The following PARVB variants were observed in gnomAD, a reference collection of about 807,000 sequenced individuals.
The protein encoded by PARVB is beta-parvin.
A neutral mutation model predicts 47.0 loss-of-function variants in PARVB; 46 were observed. The ratio of observed to expected loss-of-function variants is 0.98; its 90% confidence interval spans 0.77 to 1.25. The LOEUF (loss-of-function observed/expected upper bound fraction) is 1.25, where lower values mean the gene tolerates loss of function less well. Among genes scored for constraint, PARVB ranks in the 50% most tolerant of loss-of-function variants. The pLI is 0.00. For missense variants in PARVB, 473 were observed against 471.6 expected (o/e 1.00, Z -0.03); for synonymous variants, 196 against 196.3 (o/e 1.00, Z 0.01).
At chr22:44,004,773 C>G (rs1032308402) in intron 2 of PARVB, among the ~76,000 whole-genome samples, 2 of 152,198 alleles carry the variant, frequency 1.3e-5, no homozygotes, top group African/African-American at 2.4e-5. Context: ...TCTCCTGAAC[C>G]TTTTCCGTCT....
At chr22:44,086,101 T>C (rs1348521367) in intron 1 of PARVB, among the ~76,000 whole-genome samples, 2 of 152,316 alleles carry the variant, frequency 1.3e-5, no homozygotes, top group South Asian at 4.1e-4. Flanking sequence ...GGGGCTTTCT[T>C]ACTCCTCTAG....
chr22:44,009,884 T>C (rs938632950), intron 2 of PARVB, among the ~76,000 whole-genome samples: 2 of 150,936 alleles, frequency 1.3e-5, no homozygotes, highest in African/African-American at 4.9e-5. Context: ...CTCAGCTCAC[T>C]GCAACCTCTG....
At chr22:44,014,748 T>C (rs1269576159) in intron 2 of PARVB, among the ~76,000 whole-genome samples, 1 of 152,146 alleles carries the variant, frequency 6.6e-6, no homozygotes, top group Non-Finnish European at 1.5e-5. Context: ...CCTTCCTTCC[T>C]CTCACCTTGA....
intron 1 of PARVB, among the ~76,000 whole-genome samples, chr22:44,075,909 C>T (rs942614704): frequency 5.3e-5 from 8 of 152,230 alleles, no homozygotes; most frequent in Non-Finnish European, 7.3e-5. Context: ...ATGGAGCAGT[C>T]GAGCTGGGAT....
At chr22:44,019,498 G>A (rs1298307717), upstream of PARVB, among the ~76,000 whole-genome samples, 1 of 152,238 alleles carries the variant, frequency 6.6e-6, no homozygotes, top group Admixed American at 6.5e-5. Context: ...GGGATTGCAG[G>A]CATGAGCCAC....
chr22:44,119,587 G>A (rs1237109655), intron 4 of PARVB, among the ~76,000 whole-genome samples: 2 of 152,188 alleles, frequency 1.3e-5, no homozygotes, highest in African/African-American at 2.4e-5. Context: ...TGCATTTGCT[G>A]GGTGAAGGCA....
intron 7 of PARVB, 97 bp from the exon 8 acceptor site, chr22:44,140,027 T>G (rs891542373): frequency 5.2e-5 from 80 of 1,544,588 alleles, no homozygotes; most frequent in Non-Finnish European, 7.1e-5. Flanking sequence ...GGGCCCAGCT[T>G]TCTGGCTGGC....
intron 7 of PARVB, chr22:44,138,928 A>C (rs1263040238): frequency 1.3e-5 from 2 of 152,222 alleles, no homozygotes; most frequent in Non-Finnish European, 1.5e-5. Flanking sequence ...GATGGAGCCA[A>C]AGGACTTGAG....
At position 44,155,752 on chromosome 22, in the gene PARVB, C is replaced by G. The variant is rs566403625; in HGVS notation, c.844-2230C>G. Among the ~76,000 whole-genome samples the G allele has an allele frequency of 9.2e-5, 14 of 152,322 alleles. No individual in the cohort carries two copies. The highest frequency in any genetic ancestry group is 3.4e-4 in the African/African-American group (14 of 41,582). ...TGGAGACACACTTAAAAGAATTCTT[C>G]AAACCCGTCTGATCTCCTTAATGAT... On this transcript the variant is annotated intron_variant, in intron 10 of 12. Coordinates refer to ENST00000338758, the MANE Select transcript of PARVB (RefSeq NM_013327.5). The surrounding 1 kb of genome is among the most constrained non-coding windows in gnomAD (Gnocchi z 4.8).
chr22:44,079,018 C>T (rs543961564), intron 1 of PARVB, among the ~76,000 whole-genome samples: 2 of 152,344 alleles, frequency 1.3e-5, no homozygotes, highest in East Asian at 1.9e-4. Context: ...TGAGCCACCG[C>T]GCCCGGCCCC....
chr22:44,156,511 T>TCA (rs2147164566), intron 10 of PARVB, among the ~76,000 whole-genome samples: 1 of 152,236 alleles, frequency 6.6e-6, no homozygotes, highest in East Asian at 1.9e-4. Context: ...ACTCCTGACC[T>TCA]TGTGATCCAC....
chr22:44,114,333 A>G (rs570704072), intron 3 of PARVB: 4 of 149,382 alleles, frequency 2.7e-5, no homozygotes, highest in African/African-American at 1.0e-4. Context: ...CATTGTTACT[A>G]AAGCCTTGCA....
At chr22:44,139,777 C>A in intron 7 of PARVB, 1 of 298,624 alleles carries the variant, frequency 3.3e-6, no homozygotes, top group South Asian at 4.3e-5. Flanking sequence ...CGTTCCACGG[C>A]TGCTGGAAGA....
chr22:44,006,351 T>C (rs2062034048), intron 2 of PARVB, among the ~76,000 whole-genome samples: 1 of 152,226 alleles, frequency 6.6e-6, no homozygotes, highest in Non-Finnish European at 1.5e-5. Flanking sequence ...CCTGGCCAGA[T>C]GCCGTGTCTC....
chr22:44,098,317 G>A (rs1382455405), intron 2 of PARVB, among the ~76,000 whole-genome samples: 1 of 152,186 alleles, frequency 6.6e-6, no homozygotes, highest in East Asian at 1.9e-4. Context: ...GGTCACACAG[G>A]CACACAAAGT....
chr22:44,003,832 CCT>C (rs2050436924), intron 2 of PARVB, among the ~76,000 whole-genome samples: 1 of 152,212 alleles, frequency 6.6e-6, no homozygotes, highest in Non-Finnish European at 1.5e-5. Context: ...GGTTTACCCT[CCT>C]CTTTAGCCCC....
chr22:44,081,626 G>T, intron 1 of PARVB: 1 of 984,972 alleles, frequency 1.0e-6, no homozygotes, highest in African/African-American at 1.7e-5. Context: ...TTTATGAAGT[G>T]CGTTTCTCTA....
chr22:44,140,596 T>C, intron 8 of PARVB: 1 of 520,414 alleles, frequency 1.9e-6, no homozygotes, highest in Middle Eastern at 3.2e-4. Context: ...CAGACTTCCT[T>C]AGAGTCAGGC....
rs766162295 is a variant in PARVB, at chr22:44,122,488, A to AAGAGAGAGAGAGAGAGAG, written c.376+3362_376+3379dup. ...GCAACAGAGTGAGACCCTGTCGATC[A>AAGAGAGAGAGAGAGAGAG]AGAGAGAGAGAGAGAGAGAGAGAGA... On this transcript the variant is annotated intron_variant, in intron 4 of 12. Transcript: ENST00000338758. Among the ~76,000 whole-genome samples the AAGAGAGAGAGAGAGAGAG allele has an allele frequency of 2.0e-3, 154 of 76,650 alleles. 10 individuals carry two copies. Among genetic ancestry groups the AAGAGAGAGAGAGAGAGAG allele is most frequent in the Middle Eastern group, 6.1e-3 (1 of 164 alleles). The allele number at this position is 76,650 out of a possible 152,430, so 50.3% of individuals were successfully genotyped here. A position where few individuals can be genotyped will look rare whatever the true frequency, so the allele number is the denominator to read the frequency against.
Sources: gnomAD v4.1 joint callset for allele counts (sites outside exome capture counted in the v4.1 genomes callset) on GRCh38, gnomAD v4.1.1 for gene constraint, Gnocchi (gnomAD v3.1) non-coding constraint, MANE v1.5 for transcripts, NCBI Gene and HGNC (gene_info 2026-07-23, HGNC 2026-07-21) for gene names.